DHX8: variants seen among roughly 807,000 people sequenced by gnomAD.
The protein encoded by DHX8 is DEAH-box helicase 8.
In DHX8, 67 loss-of-function variants were observed where a neutral mutation model predicts 140.7. That is an observed-to-expected ratio of 0.48 (90% CI 0.39 to 0.58). The LOEUF (loss-of-function observed/expected upper bound fraction) is 0.58, where lower values mean the gene tolerates loss of function less well. Ranked by LOEUF, DHX8 falls within the 20% of genes least tolerant of loss-of-function variation. The pLI is 0.00. For synonymous variants in DHX8, 533 were observed against 553.2 expected, an observed-to-expected ratio of 0.96 and a Z score of 0.51; for missense variants, 887 against 1,550.7, an observed-to-expected ratio of 0.57 and a Z score of 7.19.
chr17:43,491,166 T>A lies in DHX8; in HGVS notation c.309T>A (p.Asp103Glu). 1 of 1,516,748 alleles carries A rather than the reference T, an allele frequency of 6.6e-7. No homozygotes were observed. The highest frequency in any genetic ancestry group is 8.8e-7 in the Non-Finnish European group (1 of 1,130,958). The allele number at this position is 1,516,748 out of a possible 1,614,324, so 94.0% of individuals were successfully genotyped here. ...CTTCATGCTCTTTAATGAAACAAGATCCAGTTGTTAAACCTAAAACAGAAA... is the reference window on the plus strand; with the variant it reads ...CTTCATGCTCTTTAATGAAACAAGAACCAGTTGTTAAACCTAAAACAGAAA... ...RPPAKPSTSK[D>E]PVVKPKTEKE... Residue 103 changes from aspartate (D) to glutamate (E), a missense_variant and splice_region_variant, in exon 4 of 23, where the codon GAT becomes GAA. By Grantham distance (45) the Asp-to-Glu change is conservative. Coordinates refer to ENST00000262415, the MANE Select transcript of DHX8 (RefSeq NM_004941.3).
chr17:43,523,417 C>T (rs916919212), intron 22 of DHX8, among the ~76,000 whole-genome samples: 2 of 152,220 alleles, frequency 1.3e-5, no homozygotes, highest in African/African-American at 2.4e-5. Context: ...GACTAGAATA[C>T]ATTCTCCTGA....
At position 43,507,820 on chromosome 17, in the gene DHX8, A is replaced by C; in HGVS notation, c.2121A>C (p.Lys707Asn). Reference protein sequence around the residue: ...LFGLLKKTVQKRQDMKLIVTS... With the variant: ...LFGLLKKTVQNRQDMKLIVTS... ...ATATTTCTCTTCAGACAGTTCAGAA[A>C]CGGCAGGACATGAAGCTGATTGTCA... Residue 707 changes from lysine (K) to asparagine (N), a missense_variant, in exon 15 of 23, where the codon AAA becomes AAC. Lys to Asn is a moderately conservative substitution (Grantham distance 94). Coordinates refer to ENST00000262415, the MANE Select transcript of DHX8 (RefSeq NM_004941.3). 1 of 1,614,154 alleles carries C rather than the reference A, an allele frequency of 6.2e-7. No individual in the cohort carries two copies. The highest frequency in any genetic ancestry group is 8.5e-7 in the Non-Finnish European group (1 of 1,180,038).
intron 12 of DHX8, among the ~76,000 whole-genome samples, chr17:43,505,388 A>G (rs1036753885): frequency 6.6e-6 from 1 of 151,456 alleles, no homozygotes; most frequent in African/African-American, 2.4e-5. Flanking sequence ...CAGCCTGGCT[A>G]CAGAGAGAGA....
intron 1 of DHX8, among the ~76,000 whole-genome samples, chr17:43,485,212 ATGAG>A (rs1270552802): frequency 2.0e-5 from 3 of 152,182 alleles, no homozygotes; most frequent in East Asian, 3.9e-4. Context: ...TGGTGGGAAG[ATGAG>A]TGAGAGAGTT....
In DHX8 at chr17:43,499,940, T is replaced by C; in HGVS notation, c.1399-16T>C. The C allele has an allele frequency of 1.9e-6, 3 of 1,612,604 alleles. No individual in the cohort carries two copies. The highest frequency in any genetic ancestry group is 1.7e-4 in the Middle Eastern group (1 of 6,040). On this transcript the variant is annotated splice_polypyrimidine_tract_variant and intron_variant, in intron 10 of 22. Transcript: ENST00000262415. ...CGGACATTTAATCCATGTTGTTTTT[T>C]CTTCTGTTGCACCAGAACCCAGACG... is the stretch of plus-strand genomic sequence containing the variant.
In DHX8 at chr17:43,490,375, A is replaced by T. The variant is rs748362308; in HGVS notation, c.235-16A>T. The stretch of plus-strand genomic sequence containing the variant: ...TATGGGAGCTGACAATTTTCGTTCT[A>T]TGTTTCTTTTCAAAGGATTCTCTTA... On this transcript the variant is annotated splice_polypyrimidine_tract_variant and intron_variant, in intron 2 of 22. Transcript: ENST00000262415. 1 of 1,610,408 alleles carries T rather than the reference A, an allele frequency of 6.2e-7. No homozygotes were observed. The highest frequency in any genetic ancestry group is 1.7e-5 in the Admixed American group (1 of 59,328).
At chr17:43,526,038 G>T, downstream of DHX8, 1 of 985,398 alleles carries the variant, frequency 1.0e-6, no homozygotes, top group Non-Finnish European at 1.2e-6. Flanking sequence ...TAGAGCTGAG[G>T]TCACTTCTCT....
intron 2 of DHX8, among the ~76,000 whole-genome samples, chr17:43,532,283 G>C (rs1196814121): frequency 2.0e-5 from 3 of 152,206 alleles, no homozygotes; most frequent in Non-Finnish European, 4.4e-5. Context: ...TGGATCATAT[G>C]AAGTCAGGAG....
chr17:43,504,663 T>C lies in DHX8; in HGVS notation c.1566T>C (p.Ala522=). Residue 522 remains alanine (A), a synonymous_variant, in exon 12 of 23, where the codon GCT becomes GCC. Transcript: ENST00000262415. ...TTCCAGCGGAAGGCAGACAGATTGC[T>C]GCCAACATGAGGGGTATTGGGATGA... is the stretch of plus-strand genomic sequence containing the variant. ...PLPDAEGRQI[A]ANMRGIGMMP... 1 of 1,611,518 alleles carries C rather than the reference T, an allele frequency of 6.2e-7. No homozygotes were observed. The highest frequency in any genetic ancestry group is 8.5e-7 in the Non-Finnish European group (1 of 1,179,018).
At chr17:43,537,510 A>T (rs1971306551) in intron 3 of DHX8, among the ~76,000 whole-genome samples, 1 of 151,536 alleles carries the variant, frequency 6.6e-6, no homozygotes, top group Non-Finnish European at 1.5e-5. Context: ...CCTGGCCAAC[A>T]AAGTGAAACT....
intron 17 of DHX8, among the ~76,000 whole-genome samples, chr17:43,515,112 A>G (rs1194885796): frequency 1.3e-5 from 2 of 152,114 alleles, no homozygotes; most frequent in African/African-American, 4.8e-5. Context: ...GTGGGTATGT[A>G]TTACTTTCAT....
chr17:43,513,289 G>A (rs1969943788), intron 16 of DHX8, 73 bp from the exon 17 acceptor site: 2 of 1,510,478 alleles, frequency 1.3e-6, no homozygotes, highest in South Asian at 2.6e-5. Flanking sequence ...AGATATCTGG[G>A]TTCAGAAGAC....
intron 8 of DHX8, 67 bp downstream of exon 8, chr17:43,493,953 C>A: frequency 6.5e-7 from 1 of 1,541,074 alleles, no homozygotes. Flanking sequence ...AGGGGTGTGC[C>A]CTGGAGCACG....
intron 3 of DHX8, 87 bp downstream of exon 3, chr17:43,490,550 G>C: frequency 1.8e-6 from 2 of 1,100,264 alleles, no homozygotes; most frequent in Admixed American, 2.3e-5. Context: ...CCTCTCAGCA[G>C]TTGCTGAGCA....
rs565658863 is a variant in DHX8 at position 43,486,742 on chromosome 17, G to T, written c.148+2557G>T. Among the ~76,000 whole-genome samples, 4 of 152,142 alleles carry T rather than the reference G, an allele frequency of 2.6e-5. No homozygotes were observed. In the South Asian group the frequency reaches 8.3e-4, roughly 32 times the overall value. ...AAAATACAAAAATTAGCAGGGCGTG[G>T]TGGTGCACGCCTGTAATCCTAGCTA... On this transcript the variant is annotated intron_variant, in intron 1 of 22. Transcript: ENST00000262415.
chr17:43,543,025 G>T (rs974378315), intron 3 of DHX8, among the ~76,000 whole-genome samples: 1 of 152,102 alleles, frequency 6.6e-6, no homozygotes, highest in Admixed American at 6.6e-5. Flanking sequence ...GGTGCAGGGG[G>T]ACAGGGCCCC....
At chr17:43,505,336 G>A (rs1969428539) in intron 12 of DHX8, among the ~76,000 whole-genome samples, 1 of 152,108 alleles carries the variant, frequency 6.6e-6, no homozygotes, top group Non-Finnish European at 1.5e-5. Context: ...TTGAATCAGG[G>A]AGTCGGAGGT....
chr17:43,504,645 G>A lies in DHX8; in HGVS notation c.1548G>A (p.Ala516=), dbSNP rs145241921. ...NKHWVDPLPD[A]EGRQIAANMR... Reference sequence around the variant, plus strand: ...TAAGTTGCCTGTTTTCCTTTCCAGCGGAAGGCAGACAGATTGCTGCCAACA... The same window carrying A: ...TAAGTTGCCTGTTTTCCTTTCCAGCAGAAGGCAGACAGATTGCTGCCAACA... The change falls in exon 12 of 23, where the codon GCG becomes GCA. Residue 516 remains alanine, a splice_region_variant and synonymous_variant. Transcript: ENST00000262415. The A allele has an allele frequency of 2.7e-4, 428 of 1,606,920 alleles. 3 individuals are homozygous for A. The highest frequency in any genetic ancestry group is 1.7e-4 in the Middle Eastern group (1 of 5,998).
chr17:43,517,370 C>A, intron 18 of DHX8, 48 bp downstream of exon 18: 1 of 1,571,682 alleles, frequency 6.4e-7, no homozygotes, highest in Non-Finnish European at 8.6e-7. Flanking sequence ...CAGTCCAATC[C>A]TGGCCTTCAT....
Sources: allele counts gnomAD v4.1 joint callset (sites outside exome capture counted in the v4.1 genomes callset), GRCh38; gene constraint gnomAD v4.1.1; transcripts MANE v1.5; gene names NCBI Gene and HGNC (gene_info 2026-07-23, HGNC 2026-07-21).